The following CIDEC variants were observed in gnomAD, a reference collection of about 807,000 sequenced individuals.
CIDEC encodes the protein cell death inducing DFFA like effector c, also known as lipid transferase CIDEC.
A neutral mutation model predicts 21.9 loss-of-function variants in CIDEC; 11 were observed. The observed-to-expected ratio is 0.50, with a 90% CI of 0.32 to 0.83. CIDEC has a LOEUF of 0.83. Among genes scored for constraint, CIDEC ranks in the 40% least tolerant of loss-of-function variants. The pLI, the probability that CIDEC is intolerant of heterozygous loss-of-function variation, is 0.04. For synonymous variants in CIDEC, 127 were observed against 124.9 expected (o/e 1.02, Z -0.11); for missense variants, 302 against 302.3 (o/e 1.00, Z 0.01).
Position 9,878,121 on chromosome 3 carries a change from A to G in CIDEC, c.53+313T>C, listed in dbSNP as rs1029808533. 13 of 344,966 alleles carry G rather than the reference A, an allele frequency of 3.8e-5. No individual in the cohort carries two copies. In the Admixed American group the frequency reaches 4.6e-4, roughly 12 times the overall value. 21.4% of individuals were successfully genotyped at this position (344,966 alleles called of 1,614,324 possible). On this transcript the variant is annotated intron_variant, in intron 3 of 6. Coordinates refer to ENST00000336832, the MANE Select transcript of CIDEC (RefSeq NM_001321142.2). ...ACCCACTATGTGCCTCAGTTCTCTC[A>G]CCTATTAATTTGGTATAATAACCCC... is the stretch of plus-strand genomic sequence containing the variant.
Position 9,878,491 on chromosome 3 carries a change from G to T in CIDEC, c.-5C>A. ...GGACTTCATGGCGTATTCCATCCTT[G>T]TCAGCTGGACTGCGTTGGACCTGGG... is the stretch of plus-strand genomic sequence containing the variant. On this transcript the variant is annotated 5_prime_UTR_variant, in exon 3 of 7. Coordinates refer to ENST00000336832, the MANE Select transcript of CIDEC (RefSeq NM_001321142.2). 1.2e-6 allele frequency: 2 copies of T among 1,613,882 alleles called. No individual in the cohort carries two copies. Among genetic ancestry groups the T allele is most frequent in the Non-Finnish European group, 1.7e-6 (2 of 1,179,810 alleles).
At position 9,877,071 on chromosome 3, in the gene CIDEC, G is replaced by C; in HGVS notation, c.202C>G (p.Leu68Val). 1 of 1,552,336 alleles carries C rather than the reference G, an allele frequency of 6.4e-7. No individual in the cohort carries two copies. The highest frequency in any genetic ancestry group is 1.4e-5 in the African/African-American group (1 of 73,266). ...CAACGCGCAGGTGCTCTCACCTTGA[G>C]GAGGAGGTCCTCAAGACTGTAAGCC... ...IMAYSLEDLL[L>V]KVRDTLMLAD... Residue 68 changes from leucine to valine, a missense_variant, in exon 4 of 7, where the codon CTC (leucine) becomes GTC (valine). Leu to Val is a conservative substitution (Grantham distance 32, BLOSUM62 1). Transcript: ENST00000336832.
At chr3:9,877,299 C>G in intron 3 of CIDEC, 80 bp from the exon 4 acceptor site, 4 of 1,336,576 alleles carry the variant, frequency 3.0e-6, no homozygotes, top group Non-Finnish European at 4.2e-6. Flanking sequence ...ACCTCCCCAC[C>G]CCTCCTGACT....
In CIDEC at chr3:9,870,011, C is replaced by G. The variant is rs200012502; in HGVS notation, c.425G>C (p.Arg142Pro). 6.2e-7 allele frequency: 1 copy of G among 1,614,204 alleles called. No individual in the cohort carries two copies. Among genetic ancestry groups the G allele is most frequent in the Non-Finnish European group, 8.5e-7 (1 of 1,180,040 alleles). The change falls in exon 6 of 7, where the codon CGT (arginine) becomes CCT (proline). Residue 142 changes from arginine to proline, a missense_variant. Coordinates refer to ENST00000336832, the MANE Select transcript of CIDEC (RefSeq NM_001321142.2). The part of the protein sequence containing the change: ...HKPAKKIDVA[R>P]VTFDLYKLNP... ...CAGCTTGTACAGATCAAACGTTACA[C>G]GGGCCACATCAATCTTCTTGGCAGG...
chr3:9,878,397 G>T (rs1262324801), intron 3 of CIDEC, 37 bp downstream of exon 3: 1 of 1,472,144 alleles, frequency 6.8e-7, no homozygotes, highest in Non-Finnish European at 9.5e-7. Context: ...CAGCTCATAG[G>T]TGGCTCTCTT....
At chr3:9,875,183 G>T (rs2082403764) in intron 4 of CIDEC, among the ~76,000 whole-genome samples, 1 of 152,058 alleles carries the variant, frequency 6.6e-6, no homozygotes, top group Non-Finnish European at 1.5e-5. Flanking sequence ...AGGCCATCCT[G>T]GCTAACACGG....
chr3:9,876,672 G>A (rs1271486218), intron 4 of CIDEC, among the ~76,000 whole-genome samples: 2 of 147,116 alleles, frequency 1.4e-5, no homozygotes, highest in South Asian at 2.2e-4. Flanking sequence ...CAGGAGAATC[G>A]CTTGATTCTG....
chr3:9,878,756 G>T (rs1255492294), intron 2 of CIDEC, 186 bp downstream of exon 2: 1 of 1,536,068 alleles, frequency 6.5e-7, no homozygotes, highest in Admixed American at 2.0e-5. Flanking sequence ...AGCAGCTGCT[G>T]CTCCTGCCCC....
rs1164819522 is a variant in CIDEC at position 9,879,019 on chromosome 3, C to T, written c.-103G>A. On this transcript the variant is annotated 5_prime_UTR_variant, in exon 2 of 7. Transcript: ENST00000336832. ...CCATGGGTCCTTGAGCAATCCGAGC[C>T]CCTTCCTGAGGCTTCACAGTGGCCA... 1.6e-6 allele frequency: 1 copy of T among 606,448 alleles called. No individual in the cohort carries two copies. The highest frequency in any genetic ancestry group is 3.0e-6 in the Non-Finnish European group (1 of 338,692). 37.6% of individuals were successfully genotyped at this position (606,448 alleles called of 1,614,324 possible). A position where few individuals can be genotyped will look rare whatever the true frequency, so the allele number is the denominator to read the frequency against.
intron 6 of CIDEC, among the ~76,000 whole-genome samples, chr3:9,868,201 C>T (rs2082299229): frequency 1.3e-5 from 2 of 152,196 alleles, no homozygotes; most frequent in African/African-American, 4.8e-5. Context: ...CCTACTTTCT[C>T]ATGCAAAACC....
chr3:9,878,871 G>T, intron 2 of CIDEC, 71 bp downstream of exon 2: 1 of 1,494,212 alleles, frequency 6.7e-7, no homozygotes, highest in Non-Finnish European at 9.0e-7. Flanking sequence ...CTGTCCATGG[G>T]GACAGAGTCC....
chr3:9,869,942 A>C lies in CIDEC; in HGVS notation c.494T>G (p.Phe165Cys), dbSNP rs779729435. The part of the protein sequence containing the change: ...FIGCLNVKAT[F>C]YDTYSLSYDL... ...ATAGGAAAGGGAGTATGTATCATAA[A>C]AAGTCGCCTTCACGTTCAGGCAGCC... Residue 165 changes from phenylalanine to cysteine, a missense_variant, in exon 6 of 7, where the codon TTT becomes TGT. Physicochemically the swap from Phe to Cys is radical, Grantham distance 205. Coordinates refer to ENST00000336832, the MANE Select transcript of CIDEC (RefSeq NM_001321142.2). 6.2e-7 allele frequency: 1 copy of C among 1,614,180 alleles called. No homozygotes were observed. The highest frequency in any genetic ancestry group is 8.5e-7 in the Non-Finnish European group (1 of 1,180,048).
Position 9,867,186 on chromosome 3 carries a change from G to A in CIDEC, c.665C>T (p.Pro222Leu), listed in dbSNP as rs565528837. ...LLDATEEGQP[P>L]KGKASSLIPT... ...GATAAGGGATGAGGCCTTGCCCTTG[G>A]GGGGCTGCCCTTCCTCCGTAGCATC... The change falls in exon 7 of 7, where the codon CCC becomes CTC. Residue 222 changes from proline to leucine, a missense_variant. Transcript: ENST00000336832. The A allele has an allele frequency of 7.4e-6, 12 of 1,614,058 alleles. No individual in the cohort carries two copies. Among genetic ancestry groups the A allele is most frequent in the Non-Finnish European group, 8.5e-6 (10 of 1,180,044 alleles).
chr3:9,877,088 C>A lies in CIDEC; in HGVS notation c.185G>T (p.Ser62Ile), dbSNP rs766353274. The change falls in exon 4 of 7, where the codon AGT becomes ATT. Residue 62 changes from serine to isoleucine, a missense_variant. Physicochemically the swap from Ser to Ile is moderately radical, Grantham distance 142. Transcript: ENST00000336832. ...RSVRKGIMAY[S>I]LEDLLLKVRD... ...CACCTTGAGGAGGAGGTCCTCAAGA[C>A]TGTAAGCCATGATGCCCTTCCTCAC... 2.0e-5 allele frequency: 31 copies of A among 1,553,266 alleles called. No homozygotes were observed. In the Admixed American group the frequency reaches 2.2e-4, roughly 11 times the overall value.
rs560092919 is a variant in CIDEC, at chr3:9,866,947, T to C, written c.*187A>G. 7.3e-4 allele frequency: 514 copies of C among 703,122 alleles called. 2 individuals carry two copies. The highest frequency in any genetic ancestry group is 1.1e-3 in the Non-Finnish European group (428 of 389,616). 43.6% of individuals were successfully genotyped at this position (703,122 alleles called of 1,614,324 possible). ...GAAGGAGCTGGATCAGGCCAGGAGC[T>C]TGAGGTTCTCCTTTGGCCAACCCAC... On this transcript the variant is annotated 3_prime_UTR_variant, in exon 7 of 7. Coordinates refer to ENST00000336832, the MANE Select transcript of CIDEC (RefSeq NM_001321142.2).
At chr3:9,879,733 G>A (rs954527290) in intron 1 of CIDEC, among the ~76,000 whole-genome samples, 1 of 152,220 alleles carries the variant, frequency 6.6e-6, no homozygotes, top group Non-Finnish European at 1.5e-5. Flanking sequence ...CAGTTTCATT[G>A]CTTTCCACTC....
Position 9,867,275 on chromosome 3 carries a change from G to C in CIDEC, c.576C>G (p.Leu192=). The C allele has an allele frequency of 6.2e-7, 1 of 1,614,178 alleles. No homozygotes were observed. Among genetic ancestry groups the C allele is most frequent in the Non-Finnish European group, 8.5e-7 (1 of 1,180,046 alleles). The part of the protein sequence containing the change: ...RIMKEAFRWA[L]FSMQATGHVL... ...CGTGGCCTGTGGCCTGCATGCTGAA[G>C]AGGGCCCAGCGGAAAGCTTCCCTGG... is the stretch of plus-strand genomic sequence containing the variant. The change falls in exon 7 of 7, where the codon CTC becomes CTG. Residue 192 remains leucine, a synonymous_variant. Coordinates refer to ENST00000336832, the MANE Select transcript of CIDEC (RefSeq NM_001321142.2).
In CIDEC at chr3:9,866,760, G is replaced by A. The variant is rs536406567; in HGVS notation, c.*374C>T. ...AAACTCCCTAATATCACATGCTAGTGCGCTTGCGAATTCACTCAGGAATGT... is the reference window on the plus strand; with the variant it reads ...AAACTCCCTAATATCACATGCTAGTACGCTTGCGAATTCACTCAGGAATGT... On this transcript the variant is annotated 3_prime_UTR_variant, in exon 7 of 7. Coordinates refer to ENST00000336832, the MANE Select transcript of CIDEC (RefSeq NM_001321142.2). 4.6e-4 allele frequency: 240 copies of A among 520,130 alleles called. 1 individual carries two copies. Among genetic ancestry groups the A allele is most frequent in the Non-Finnish European group, 1.7e-4 (49 of 288,060 alleles). 32.2% of individuals were successfully genotyped at this position (520,130 alleles called of 1,614,324 possible). A position where few individuals can be genotyped will look rare whatever the true frequency, so the allele number is the denominator to read the frequency against.
chr3:9,875,091 T>G (rs2082402563), intron 4 of CIDEC, among the ~76,000 whole-genome samples: 1 of 152,036 alleles, frequency 6.6e-6, no homozygotes, highest in African/African-American at 2.4e-5. Context: ...AAGAAATGGA[T>G]AGGGCCAGGT....
Sources: gnomAD v4.1 joint callset for allele counts (sites outside exome capture counted in the v4.1 genomes callset) on GRCh38, gnomAD v4.1.1 for gene constraint, MANE v1.5 for transcripts, NCBI Gene and HGNC (gene_info 2026-07-23, HGNC 2026-07-21) for gene names.